SLC12A2: variants seen among roughly 807,000 people sequenced by gnomAD.
SLC12A2 encodes solute carrier family 12 member 2.
SLC12A2 carries 67 observed loss-of-function variants against 136.3 expected under a neutral mutation model. The observed-to-expected ratio is 0.49, with a 90% CI of 0.40 to 0.60. SLC12A2 has a LOEUF of 0.60. Among genes scored for constraint, SLC12A2 ranks in the 20% least tolerant of loss-of-function variants. The pLI is 0.00. For missense variants in SLC12A2, 1,322 were observed against 1,534.7 expected, an observed-to-expected ratio of 0.86 and a Z score of 2.32; for synonymous variants, 619 against 562.9, an observed-to-expected ratio of 1.10 and a Z score of -1.41.
At chr5:128,102,467 T>C (rs951646423) in intron 1 of SLC12A2, among the ~76,000 whole-genome samples, 1 of 151,968 alleles carries the variant, frequency 6.6e-6, no homozygotes, top group Non-Finnish European at 1.5e-5. Flanking sequence ...TATTAGTCAG[T>C]TTTTCCTGCT....
intron 1 of SLC12A2, among the ~76,000 whole-genome samples, chr5:128,104,733 T>A (rs957413998): frequency 6.6e-6 from 1 of 151,858 alleles, no homozygotes; most frequent in African/African-American, 2.4e-5. Context: ...TTCTGGACAC[T>A]ATAGCAATTC....
intron 21 of SLC12A2, chr5:128,177,460 A>G (rs1054183258): frequency 9.9e-6 from 2 of 202,876 alleles, no homozygotes; most frequent in Non-Finnish European, 2.0e-5. Flanking sequence ...GGACACTGAA[A>G]TAGGTTTTAT....
At chr5:128,167,348 A>G (rs900458142) in intron 17 of SLC12A2, among the ~76,000 whole-genome samples, 2 of 152,130 alleles carry the variant, frequency 1.3e-5, no homozygotes, top group Admixed American at 1.3e-4. Flanking sequence ...AGATTTTAGT[A>G]TTGATGTGAT....
rs1031416534 is a variant in SLC12A2, at chr5:128,131,316, C to G, written c.1188+110C>G. 1.1e-5 allele frequency: 12 copies of G among 1,090,960 alleles called. No individual in the cohort carries two copies. In the African/African-American group the frequency reaches 1.7e-4, roughly 16 times the overall value. The allele number at this position is 1,090,960 out of a possible 1,614,324, so 67.6% of individuals were successfully genotyped here. On this transcript the variant is annotated intron_variant, in intron 5 of 26. Coordinates refer to ENST00000262461, the MANE Select transcript of SLC12A2 (RefSeq NM_001046.3). ...GCAGTGATATGATGACCAAGAGATT[C>G]GTCCTTCATAAAGTTTACTACAGGA... is the stretch of plus-strand genomic sequence containing the variant.
In SLC12A2 at chr5:128,158,059, G is replaced by A. The variant is rs757488977; in HGVS notation, c.2370G>A (p.Gln790=). Residue 790 remains glutamine, a synonymous_variant, in exon 16 of 27, where the codon CAG becomes CAA. Coordinates refer to ENST00000262461, the MANE Select transcript of SLC12A2 (RefSeq NM_001046.3). Reference sequence around the variant, plus strand: ...TCTTTTCATCTTAAATTAGGCCACAGTGTCTTGTTATGACAGGTGCTCCAA... The same window carrying A: ...TCTTTTCATCTTAAATTAGGCCACAATGTCTTGTTATGACAGGTGCTCCAA... ...VEDHVKNFRP[Q]CLVMTGAPNS... 6.2e-7 allele frequency: 1 copy of A among 1,607,770 alleles called. No homozygotes were observed. Among genetic ancestry groups the A allele is most frequent in the Admixed American group, 1.7e-5 (1 of 58,788 alleles).
At chr5:128,119,522 A>G (rs543263862) in intron 4 of SLC12A2, among the ~76,000 whole-genome samples, 55 of 152,318 alleles carry the variant, frequency 3.6e-4, no homozygotes, top group African/African-American at 1.3e-3. Context: ...CTCAAAGATC[A>G]GATACTTGTA....
At chr5:128,109,651 A>G (rs1761073035) in intron 1 of SLC12A2, 1 of 822,116 alleles carries the variant, frequency 1.2e-6, no homozygotes, top group Admixed American at 1.7e-5. Context: ...CAGTGGATAC[A>G]TCAGGGAATA....
intron 24 of SLC12A2, among the ~76,000 whole-genome samples, chr5:128,183,312 G>A (rs1430834204): frequency 1.3e-5 from 2 of 151,958 alleles, no homozygotes; most frequent in Non-Finnish European, 2.9e-5. Context: ...GTTGCATTCA[G>A]AATTCTTCTA....
intron 4 of SLC12A2, among the ~76,000 whole-genome samples, chr5:128,130,134 G>A (rs1761961220): frequency 6.6e-6 from 1 of 151,988 alleles, no homozygotes; most frequent in Admixed American, 6.6e-5. Context: ...ATTAAGGCTG[G>A]GCGTGGTGGC....
intron 10 of SLC12A2, among the ~76,000 whole-genome samples, chr5:128,146,128 A>G (rs1304692191): frequency 1.3e-5 from 2 of 151,834 alleles, no homozygotes; most frequent in Admixed American, 1.3e-4. Context: ...TTGTGTGTGT[A>G]TATATATAGT....
At chr5:128,139,804 A>G (rs1762302442) in intron 9 of SLC12A2, among the ~76,000 whole-genome samples, 1 of 152,202 alleles carries the variant, frequency 6.6e-6, no homozygotes, top group African/African-American at 2.4e-5. Flanking sequence ...GCTACACAAT[A>G]TGAGGTTTCT....
rs1761258800 is a variant in SLC12A2, at chr5:128,114,156, T to C, written c.877-56T>C. On this transcript the variant is annotated intron_variant, in intron 2 of 26. Coordinates refer to ENST00000262461, the MANE Select transcript of SLC12A2 (RefSeq NM_001046.3). ...ACTTTGACTGGTTTAATGCTTACTATATAATGTTTGATTATTCTTCTTCCT... is the reference window on the plus strand; with the variant it reads ...ACTTTGACTGGTTTAATGCTTACTACATAATGTTTGATTATTCTTCTTCCT... The C allele has an allele frequency of 1.8e-5, 22 of 1,252,270 alleles. 1 individual carries two copies. In the Admixed American group the frequency reaches 3.3e-4, roughly 19 times the overall value. The allele number at this position is 1,252,270 out of a possible 1,614,324, so 77.6% of individuals were successfully genotyped here.
In SLC12A2 at chr5:128,084,862, G is replaced by A; in HGVS notation, c.756+152G>A. 1 of 958,700 alleles carries A rather than the reference G, an allele frequency of 1.0e-6. No individual in the cohort carries two copies. The highest frequency in any genetic ancestry group is 1.5e-6 in the Non-Finnish European group (1 of 665,946). 59.4% of individuals were successfully genotyped at this position (958,700 alleles called of 1,614,324 possible). A position where few individuals can be genotyped will look rare whatever the true frequency, so the allele number is the denominator to read the frequency against. Reference sequence around the variant, plus strand: ...GGATTCAGCTGTCAAGGGTGGAATTGCCGAGGAATGTTAACTTAATCTCTC... The same window carrying A: ...GGATTCAGCTGTCAAGGGTGGAATTACCGAGGAATGTTAACTTAATCTCTC... On this transcript the variant is annotated intron_variant, in intron 1 of 26. Transcript: ENST00000262461. The surrounding 1 kb of genome is among the most constrained non-coding windows in gnomAD (Gnocchi z 5.6).
At chr5:128,114,707 A>G (rs1268309227) in intron 4 of SLC12A2, 26 bp downstream of exon 4, 2 of 1,318,182 alleles carry the variant, frequency 1.5e-6, no homozygotes, top group African/African-American at 1.4e-5. Context: ...TTGAATCATC[A>G]TCATCAGATT....
intron 5 of SLC12A2, 79 bp downstream of exon 5, chr5:128,131,285 G>T: frequency 7.0e-7 from 1 of 1,432,730 alleles, no homozygotes; most frequent in South Asian, 1.2e-5. Flanking sequence ...GTTAGAGGTT[G>T]GGAAAGCAGT....
At chr5:128,154,309 G>C (rs965497776) in intron 15 of SLC12A2, among the ~76,000 whole-genome samples, 1 of 151,746 alleles carries the variant, frequency 6.6e-6, no homozygotes, top group Non-Finnish European at 1.5e-5. Context: ...ACCTGTGGTC[G>C]GGAGACTGAG....
At chr5:128,143,053 T>C (rs1199697941) in intron 10 of SLC12A2, among the ~76,000 whole-genome samples, 1 of 152,136 alleles carries the variant, frequency 6.6e-6, no homozygotes, top group Admixed American at 6.6e-5. Flanking sequence ...TTGGAGAGAA[T>C]TGACTTTGTT....
intron 26 of SLC12A2, among the ~76,000 whole-genome samples, chr5:128,185,464 C>G (rs1763837648): frequency 6.6e-6 from 1 of 151,826 alleles, no homozygotes; most frequent in Admixed American, 6.6e-5. Flanking sequence ...GCCTCTCCCC[C>G]ACAAAAAAAG....
At position 128,171,503 on chromosome 5, in the gene SLC12A2, AACAT is replaced by A. The variant is rs2126746103; in HGVS notation, c.2724-158_2724-155del. ...AGAGAATGTTGTGGAATTTGAAACT[AACAT>A]ACATATCTCAACAAGTGATTTTCAA... On this transcript the variant is annotated intron_variant, in intron 18 of 26. Coordinates refer to ENST00000262461, the MANE Select transcript of SLC12A2 (RefSeq NM_001046.3). Among the ~76,000 whole-genome samples the A allele has an allele frequency of 1.3e-5, 2 of 152,370 alleles. 1 individual carries two copies. The highest frequency in any genetic ancestry group is 4.1e-4 in the South Asian group (2 of 4,834).
Sources: gnomAD v4.1 joint callset for allele counts (sites outside exome capture counted in the v4.1 genomes callset) on GRCh38, gnomAD v4.1.1 for gene constraint, Gnocchi (gnomAD v3.1) non-coding constraint, MANE v1.5 for transcripts, NCBI Gene and HGNC (gene_info 2026-07-23, HGNC 2026-07-21) for gene names.